Variants in DAB1 observed in about 807,000 individuals in gnomAD.
DAB1 encodes the protein disabled homolog 1.
Under a neutral mutation model 64.6 loss-of-function variants are expected in DAB1, and 15 were observed. The observed-to-expected ratio is 0.23, with a 90% CI of 0.16 to 0.36. DAB1 has a LOEUF of 0.36. Ranked by LOEUF, DAB1 falls within the 10% of genes least tolerant of loss-of-function variation. DAB1 has a pLI of 1.00. For synonymous variants in DAB1, 235 were observed against 251.9 expected (o/e 0.93, Z 0.64); for missense variants, 596 against 706.7 (o/e 0.84, Z 1.78).
At chr1:58,523,886 G>A (rs6663128) in intron 2 of DAB1, among the ~76,000 whole-genome samples, 17,708 of 152,094 alleles carry the variant, frequency 0.12, 1,230 homozygotes, top group African/African-American at 0.18. Flanking sequence ...GTGACAGAGC[G>A]AGACTCCATC....
At chr1:58,284,584 C>T (rs920793441) in intron 4 of DAB1, among the ~76,000 whole-genome samples, 1 of 152,278 alleles carries the variant, frequency 6.6e-6, no homozygotes, top group Non-Finnish European at 1.5e-5. Context: ...CCTCTGACCA[C>T]AGGGCTTATG....
chr1:57,267,549 A>C (rs1670680665), intron 2 of DAB1, among the ~76,000 whole-genome samples: 1 of 152,184 alleles, frequency 6.6e-6, no homozygotes, highest in Non-Finnish European at 1.5e-5. Flanking sequence ...TCCCAAGGGC[A>C]GCCTCTGGAG....
At chr1:58,532,492 T>C (rs191323250) in intron 1 of DAB1, among the ~76,000 whole-genome samples, 1 of 152,314 alleles carries the variant, frequency 6.6e-6, no homozygotes, top group Admixed American at 6.5e-5. Context: ...CTTAGACGTA[T>C]TCTTGTGTAT....
intron 4 of DAB1, among the ~76,000 whole-genome samples, chr1:58,232,757 A>AGTG (rs557596870): frequency 2.2e-4 from 34 of 152,286 alleles, no homozygotes; most frequent in African/African-American, 7.9e-4. Context: ...GACAAGGGAC[A>AGTG]GTGGTGGCAT....
At chr1:57,264,021 T>C (rs2100566571) in intron 2 of DAB1, among the ~76,000 whole-genome samples, 1 of 152,278 alleles carries the variant, frequency 6.6e-6, no homozygotes, top group South Asian at 2.1e-4. Flanking sequence ...GATGGCCTCT[T>C]TTCTGCTTCC....
At chr1:58,430,460 G>C (rs1274048921) in intron 3 of DAB1, among the ~76,000 whole-genome samples, 1 of 152,102 alleles carries the variant, frequency 6.6e-6, no homozygotes, top group East Asian at 1.9e-4. Context: ...GGTTAAAAAA[G>C]GAGGACAAGA....
chr1:57,341,532 C>T (rs920156003), intron 1 of DAB1, among the ~76,000 whole-genome samples: 9 of 152,102 alleles, frequency 5.9e-5, no homozygotes, highest in African/African-American at 2.2e-4. Context: ...TTTCTAACCC[C>T]CTGAATTTGG....
intron 4 of DAB1, among the ~76,000 whole-genome samples, chr1:57,106,743 A>T (rs995937043): frequency 1.3e-5 from 2 of 152,228 alleles, no homozygotes; most frequent in Non-Finnish European, 2.9e-5. Context: ...GTATTCACTC[A>T]TTCTTCATGT....
At chr1:58,112,795 C>A (rs1205650051) in intron 5 of DAB1, among the ~76,000 whole-genome samples, 2 of 152,154 alleles carry the variant, frequency 1.3e-5, no homozygotes, top group Non-Finnish European at 2.9e-5. Context: ...CACATACATG[C>A]TCCTAAAGTA....
intron 3 of DAB1, among the ~76,000 whole-genome samples, chr1:58,414,793 A>G (rs1256829147): frequency 1.3e-5 from 2 of 152,178 alleles, no homozygotes. Flanking sequence ...AAAAATAAAA[A>G]GAAAGAAAAG....
At chr1:57,604,026 C>T (rs1645605935) in intron 7 of DAB1, among the ~76,000 whole-genome samples, 1 of 152,236 alleles carries the variant, frequency 6.6e-6, no homozygotes, top group Admixed American at 6.5e-5. Context: ...GCTGGCGTTT[C>T]CCTGGGGAGC....
chr1:57,841,612 C>T (rs943596506), intron 1 of DAB1, among the ~76,000 whole-genome samples: 1 of 152,260 alleles, frequency 6.6e-6, no homozygotes, highest in Non-Finnish European at 1.5e-5. Context: ...TTGGGGCTTG[C>T]ACCCTCTGAA....
chr1:57,541,191 C>G (rs1051514236), intron 7 of DAB1, among the ~76,000 whole-genome samples: 5 of 151,028 alleles, frequency 3.3e-5, no homozygotes, highest in Admixed American at 2.6e-4. Context: ...TGCAGTGGCA[C>G]AATCTCGGCT....
At chr1:57,866,661 C>G (rs905139649) in intron 1 of DAB1, among the ~76,000 whole-genome samples, 5 of 152,128 alleles carry the variant, frequency 3.3e-5, no homozygotes, top group African/African-American at 1.2e-4. Context: ...TTCGGGCATG[C>G]CTTACAGAGC....
chr1:57,591,519 G>A (rs1645445630), intron 7 of DAB1, among the ~76,000 whole-genome samples: 1 of 152,142 alleles, frequency 6.6e-6, no homozygotes, highest in Admixed American at 6.5e-5. Flanking sequence ...GTGTATCCTA[G>A]AGCAATGGTA....
intron 5 of DAB1, among the ~76,000 whole-genome samples, chr1:57,980,662 T>G (rs1646043160): frequency 6.6e-6 from 1 of 152,162 alleles, no homozygotes. Flanking sequence ...GTCATCTGCT[T>G]CTTTGCTTCT....
intron 6 of DAB1, among the ~76,000 whole-genome samples, chr1:57,765,454 T>A (rs760738715): frequency 2.0e-5 from 3 of 152,156 alleles, no homozygotes; most frequent in Non-Finnish European, 4.4e-5. Context: ...TTTGGTTTTG[T>A]AGGGACAAAA....
chr1:57,459,014 T>C (rs886605094), intron 7 of DAB1, among the ~76,000 whole-genome samples: 10 of 152,128 alleles, frequency 6.6e-5, no homozygotes, highest in Non-Finnish European at 1.3e-4. Flanking sequence ...CAAAAAGTTT[T>C]GATGAAAACC....
intron 3 of DAB1, among the ~76,000 whole-genome samples, chr1:57,139,070 A>G (rs182303270): frequency 2.2e-4 from 33 of 152,194 alleles, no homozygotes; most frequent in Admixed American, 1.0e-3. Flanking sequence ...TTCCACCCCA[A>G]TCTTCAATCT....
Sources: allele counts gnomAD v4.1 joint callset (sites outside exome capture counted in the v4.1 genomes callset), GRCh38; gene constraint gnomAD v4.1.1; transcripts MANE v1.5; gene names NCBI Gene and HGNC (gene_info 2026-07-23, HGNC 2026-07-21).